The following SMAD2 variants were observed in gnomAD, a reference collection of about 807,000 sequenced individuals.
The protein encoded by SMAD2 is MAD homolog 2.
A neutral mutation model predicts 64.4 loss-of-function variants in SMAD2; 8 were observed. The ratio of observed to expected loss-of-function variants is 0.12; its 90% confidence interval spans 0.07 to 0.22. SMAD2 has a LOEUF of 0.22. SMAD2 is among the 10% of genes least tolerant of loss of function. SMAD2 has a pLI of 1.00. For missense variants in SMAD2, 289 were observed against 561.2 expected, an observed-to-expected ratio of 0.51 and a Z score of 4.90; for synonymous variants, 203 against 195.8, an observed-to-expected ratio of 1.04 and a Z score of -0.31.
rs1568019839 is a variant in SMAD2, at chr18:47,833,533, G to C, written c.*8294C>G. On this transcript the variant is annotated 3_prime_UTR_variant, in exon 11 of 11. Coordinates refer to ENST00000262160, the MANE Select transcript of SMAD2 (RefSeq NM_005901.6). Reference sequence around the variant, plus strand: ...ACTAAGGACTTCCAGAGGGAAACAAGAACAGGGTCTGCATCCATCATATTG... The same window carrying C: ...ACTAAGGACTTCCAGAGGGAAACAACAACAGGGTCTGCATCCATCATATTG... 1 of 230,356 alleles carries C rather than the reference G, an allele frequency of 4.3e-6. No individual in the cohort carries two copies. 14.3% of individuals were successfully genotyped at this position (230,356 alleles called of 1,614,324 possible). A position where few individuals can be genotyped will look rare whatever the true frequency, so the allele number is the denominator to read the frequency against.
chr18:47,846,092 G>A (rs1400624629), intron 8 of SMAD2, among the ~76,000 whole-genome samples: 2 of 152,024 alleles, frequency 1.3e-5, no homozygotes, highest in African/African-American at 4.8e-5. Context: ...TATATATTAA[G>A]ATAAGTAAAA....
intron 1 of SMAD2, among the ~76,000 whole-genome samples, chr18:47,909,072 A>AC (rs2034018834): frequency 6.6e-6 from 1 of 150,818 alleles, no homozygotes; most frequent in Non-Finnish European, 1.5e-5. Context: ...TACAGCTAAA[A>AC]AAAAAAAAAA....
At chr18:47,896,082 A>G (rs931759806) in intron 2 of SMAD2, among the ~76,000 whole-genome samples, 13 of 152,342 alleles carry the variant, frequency 8.5e-5, no homozygotes, top group Admixed American at 8.5e-4. Flanking sequence ...CACCTAACAC[A>G]CTATTCTTTC....
In SMAD2 at chr18:47,893,294, G is replaced by C. The variant is rs186521468; in HGVS notation, c.236+3227C>G. 3.9e-5 allele frequency among the ~76,000 whole-genome samples: 6 copies of C among 152,314 alleles called. No individual in the cohort carries two copies. The East Asian group carries it at 1.2e-3, about 29-fold the overall frequency. On this transcript the variant is annotated intron_variant, in intron 2 of 10. Coordinates refer to ENST00000262160, the MANE Select transcript of SMAD2 (RefSeq NM_005901.6). ...AAGAGTAATGAGATGAGGGGAGTGG[G>C]AGGGACACAAAGCCAGGACTATGTT... is the stretch of plus-strand genomic sequence containing the variant.
chr18:47,886,241 CA>C (rs2032893768), intron 2 of SMAD2, among the ~76,000 whole-genome samples: 1 of 152,058 alleles, frequency 6.6e-6, no homozygotes, highest in Admixed American at 6.6e-5. Context: ...TAGCATCCCA[CA>C]AAATAAAAAT....
chr18:47,861,730 G>T (rs1285835937), intron 6 of SMAD2, among the ~76,000 whole-genome samples: 2 of 152,144 alleles, frequency 1.3e-5, no homozygotes. Flanking sequence ...AAAATCAAGT[G>T]CTTCTGTGTC....
intron 1 of SMAD2, among the ~76,000 whole-genome samples, chr18:47,897,945 A>C (rs1484348669): frequency 6.6e-6 from 1 of 152,248 alleles, no homozygotes; most frequent in African/African-American, 2.4e-5. Flanking sequence ...TTAGAAAGTA[A>C]AGAGGTCTGT....
At chr18:47,900,224 T>A (rs1463328854) in intron 1 of SMAD2, among the ~76,000 whole-genome samples, 3 of 152,080 alleles carry the variant, frequency 2.0e-5, no homozygotes, top group Admixed American at 6.6e-5. Context: ...ATAAAAAAAA[T>A]TTTCATACTA....
At chr18:47,882,193 T>C (rs2032646253) in intron 2 of SMAD2, among the ~76,000 whole-genome samples, 1 of 146,956 alleles carries the variant, frequency 6.8e-6, no homozygotes, top group African/African-American at 2.5e-5. Context: ...ACCTGATTAA[T>C]TTTTCTTTTT....
intron 2 of SMAD2, among the ~76,000 whole-genome samples, chr18:47,889,030 A>T (rs2033053588): frequency 6.6e-6 from 1 of 152,336 alleles, no homozygotes; most frequent in South Asian, 2.1e-4. Flanking sequence ...CGTAGGCTTA[A>T]CAGACTGAAT....
At chr18:47,898,560 T>C (rs1380500066) in intron 1 of SMAD2, among the ~76,000 whole-genome samples, 2 of 152,236 alleles carry the variant, frequency 1.3e-5, no homozygotes, top group East Asian at 1.9e-4. Flanking sequence ...CTAATTTTCA[T>C]AGATTATATG....
At chr18:47,885,009 G>A (rs558053310) in intron 2 of SMAD2, among the ~76,000 whole-genome samples, 1 of 152,170 alleles carries the variant, frequency 6.6e-6, no homozygotes. Flanking sequence ...AAAAATGGTT[G>A]AAGTATTTCA....
At chr18:47,870,766 C>A (rs936746443) in intron 2 of SMAD2, among the ~76,000 whole-genome samples, 1 of 152,056 alleles carries the variant, frequency 6.6e-6, no homozygotes, top group African/African-American at 2.4e-5. Flanking sequence ...ACATGTGACT[C>A]CAGATAAGTC....
Position 47,813,741 on chromosome 18 carries a change from G to T in SMAD2, c.*28086C>A. On this transcript the variant is annotated 3_prime_UTR_variant, in exon 11 of 11. Coordinates refer to ENST00000262160, the MANE Select transcript of SMAD2 (RefSeq NM_005901.6). ...TTTTTTTTTTTTTTTTTGGAGAGAT[G>T]GGATCTTGCTATGTTGATCAGGCTG... 1 of 39,530 alleles carries T rather than the reference G, an allele frequency of 2.5e-5. No homozygotes were observed. The highest frequency in any genetic ancestry group is 1.2e-3 in the South Asian group (1 of 832). The allele number at this position is 39,530 out of a possible 1,614,324, so 2.4% of individuals were successfully genotyped here. A position where few individuals can be genotyped will look rare whatever the true frequency, so the allele number is the denominator to read the frequency against.
intron 2 of SMAD2, among the ~76,000 whole-genome samples, chr18:47,878,826 T>C (rs556317432): frequency 6.6e-6 from 1 of 152,348 alleles, no homozygotes; most frequent in East Asian, 1.9e-4. Context: ...TACACATTGA[T>C]CAGCTAAATT....
At chr18:47,852,500 G>A (rs376461005) in intron 6 of SMAD2, among the ~76,000 whole-genome samples, 62 of 152,260 alleles carry the variant, frequency 4.1e-4, no homozygotes, top group East Asian at 2.7e-3. Flanking sequence ...AGATTTACAT[G>A]AGTGCTATGT....
At chr18:47,860,454 AT>A (rs938522654) in intron 6 of SMAD2, among the ~76,000 whole-genome samples, 2 of 147,102 alleles carry the variant, frequency 1.4e-5, no homozygotes, top group Non-Finnish European at 3.0e-5. Context: ...AAAAAAAAAA[AT>A]TTTTTTTTGT....
At chr18:47,858,401 C>T (rs143617234) in intron 6 of SMAD2, among the ~76,000 whole-genome samples, 2 of 152,270 alleles carry the variant, frequency 1.3e-5, no homozygotes, top group Non-Finnish European at 2.9e-5. Flanking sequence ...AGGAATGTCT[C>T]TGCAAAATGG....
chr18:47,889,518 T>C (rs2033082917), intron 2 of SMAD2, among the ~76,000 whole-genome samples: 1 of 151,894 alleles, frequency 6.6e-6, no homozygotes, highest in Non-Finnish European at 1.5e-5. Context: ...ACACCTGTAA[T>C]CCCAGCACTT....
Sources: gnomAD v4.1 joint callset for allele counts (sites outside exome capture counted in the v4.1 genomes callset) on GRCh38, gnomAD v4.1.1 for gene constraint, MANE v1.5 for transcripts, NCBI Gene and HGNC (gene_info 2026-07-23, HGNC 2026-07-21) for gene names.